The following NEGR1 variants were observed in gnomAD, a reference collection of about 807,000 sequenced individuals.
NEGR1 encodes IgLON family member 4.
In NEGR1, 10 loss-of-function variants were observed where a neutral mutation model predicts 40.9. That is an observed-to-expected ratio of 0.24 (90% CI 0.15 to 0.42). The LOEUF (loss-of-function observed/expected upper bound fraction) is 0.42, where lower values mean the gene tolerates loss of function less well. Among genes scored for constraint, NEGR1 ranks in the 10% least tolerant of loss-of-function variants. The pLI is 1.00. For missense variants in NEGR1, 352 were observed against 438.9 expected, an observed-to-expected ratio of 0.80 and a Z score of 1.77; for synonymous variants, 185 against 166.8, an observed-to-expected ratio of 1.11 and a Z score of -0.84.
rs575808466 is a variant in NEGR1, at chr1:71,760,784, T to G, written c.535+15388A>C. ...TTCATAAAGAATTACAGTGTTTGGG[T>G]GACAGGCTGTGTACATGTACACAGT... On this transcript the variant is annotated intron_variant, in intron 3 of 6. Transcript: ENST00000357731. Among the ~76,000 whole-genome samples the G allele has an allele frequency of 7.9e-5, 12 of 152,218 alleles. No homozygotes were observed. The East Asian group carries it at 2.3e-3, about 29-fold the overall frequency.
chr1:72,030,887 GA>G (rs199787393), intron 1 of NEGR1, among the ~76,000 whole-genome samples: 27 of 149,654 alleles, frequency 1.8e-4, no homozygotes, highest in African/African-American at 5.9e-4. Context: ...CTTACACATG[GA>G]AAAAAAAACA....
intron 3 of NEGR1, among the ~76,000 whole-genome samples, chr1:71,714,269 C>T (rs1001412553): frequency 2.0e-5 from 3 of 152,148 alleles, no homozygotes; most frequent in African/African-American, 7.2e-5. Flanking sequence ...ATTCAATTAC[C>T]TCCTCCTGGT....
At chr1:71,769,544 T>C (rs72946022) in intron 3 of NEGR1, among the ~76,000 whole-genome samples, 11,935 of 152,182 alleles carry the variant, frequency 0.078, 603 homozygotes, top group East Asian at 0.14. Flanking sequence ...GTGCTCATGA[T>C]AGTGAGTGAG....
chr1:71,678,829 C>A (rs1334346921), intron 4 of NEGR1, among the ~76,000 whole-genome samples: 2 of 151,968 alleles, frequency 1.3e-5, no homozygotes, highest in East Asian at 3.9e-4. Flanking sequence ...CTGAAAGTAC[C>A]TTTGTGAGGA....
intron 1 of NEGR1, among the ~76,000 whole-genome samples, chr1:72,143,914 A>ATATATATT (rs1491498187): frequency 0.23 from 30,256 of 130,522 alleles, 3,897 homozygotes; most frequent in South Asian, 0.3. Flanking sequence ...TGATATATAT[A>ATATATATT]ATATATATAT....
intron 6 of NEGR1, among the ~76,000 whole-genome samples, chr1:71,530,641 T>C (rs1328155539): frequency 6.6e-6 from 1 of 151,402 alleles, no homozygotes; most frequent in Non-Finnish European, 1.5e-5. Context: ...GTTTATATTA[T>C]CTTTTTTTAA....
At chr1:71,974,412 A>G (rs143116872) in intron 1 of NEGR1, among the ~76,000 whole-genome samples, 7 of 152,312 alleles carry the variant, frequency 4.6e-5, no homozygotes, top group African/African-American at 1.7e-4. Context: ...TTTCTAAATC[A>G]CATTATTAAA....
intron 6 of NEGR1, among the ~76,000 whole-genome samples, chr1:71,564,859 A>G (rs905819719): frequency 2.2e-4 from 33 of 152,148 alleles, no homozygotes; most frequent in African/African-American, 8.0e-4. Context: ...GCCCTATGAC[A>G]TTAGGTTACT....
chr1:71,741,229 C>T (rs1248696903), intron 3 of NEGR1, among the ~76,000 whole-genome samples: 1 of 152,144 alleles, frequency 6.6e-6, no homozygotes, highest in Non-Finnish European at 1.5e-5. Flanking sequence ...AGCTGCAGAA[C>T]ATGGTACAAA....
intron 1 of NEGR1, among the ~76,000 whole-genome samples, chr1:71,937,452 C>A (rs1331164851): frequency 6.6e-6 from 1 of 152,210 alleles, no homozygotes; most frequent in African/African-American, 2.4e-5. Context: ...TCTGTGTGAC[C>A]ACTGCATCTA....
chr1:71,870,084 T>C (rs1240392121), intron 2 of NEGR1, among the ~76,000 whole-genome samples: 1 of 152,012 alleles, frequency 6.6e-6, no homozygotes, highest in African/African-American at 2.4e-5. Flanking sequence ...TTCGCCGTGT[T>C]GGCCAGGCTG....
At chr1:71,418,860 G>A (rs1352028440) in intron 6 of NEGR1, among the ~76,000 whole-genome samples, 1 of 152,046 alleles carries the variant, frequency 6.6e-6, no homozygotes, top group African/African-American at 2.4e-5. Flanking sequence ...GTCTAACACA[G>A]TGACTACATA....
intron 1 of NEGR1, among the ~76,000 whole-genome samples, chr1:72,176,420 A>C (rs577187725): frequency 2.0e-5 from 3 of 152,252 alleles, no homozygotes; most frequent in Non-Finnish European, 2.9e-5. Flanking sequence ...TTCAAACTCT[A>C]ATGGAGAAGA....
chr1:71,966,283 T>C (rs543121422), intron 1 of NEGR1, among the ~76,000 whole-genome samples: 5 of 152,324 alleles, frequency 3.3e-5, no homozygotes, highest in African/African-American at 9.6e-5. Flanking sequence ...GACAAACTTA[T>C]TCAAGTTACA....
At chr1:71,534,906 T>TA (rs1647466530) in intron 6 of NEGR1, among the ~76,000 whole-genome samples, 1 of 151,564 alleles carries the variant, frequency 6.6e-6, no homozygotes, top group African/African-American at 2.4e-5. Flanking sequence ...AAATTTTAAA[T>TA]AAAAAATTAT....
At chr1:72,180,061 C>A (rs1652308790) in intron 1 of NEGR1, among the ~76,000 whole-genome samples, 1 of 151,874 alleles carries the variant, frequency 6.6e-6, no homozygotes, top group Non-Finnish European at 1.5e-5. Context: ...GTAAAAGACT[C>A]CAAGTAGCCA....
chr1:72,052,017 A>G (rs1403810915), intron 1 of NEGR1, among the ~76,000 whole-genome samples: 4 of 151,502 alleles, frequency 2.6e-5, no homozygotes, highest in African/African-American at 9.7e-5. Context: ...AAACAAGCTG[A>G]CAGAGTTTCC....
rs1447212540 is a variant in NEGR1, at chr1:71,604,420, A to G, written c.788+6606T>C. Among the ~76,000 whole-genome samples, 7 of 152,300 alleles carry G rather than the reference A, an allele frequency of 4.6e-5. No individual in the cohort carries two copies. In the East Asian group the frequency reaches 1.4e-3, roughly 29 times the overall value. ...TCATTTTGCTGGTTTCCTCAAAAATATAAGAAGGGGAGAAGACCCACCCTC... is the reference window on the plus strand; with the variant it reads ...TCATTTTGCTGGTTTCCTCAAAAATGTAAGAAGGGGAGAAGACCCACCCTC... On this transcript the variant is annotated intron_variant, in intron 5 of 6. Coordinates refer to ENST00000357731, the MANE Select transcript of NEGR1 (RefSeq NM_173808.3).
intron 4 of NEGR1, among the ~76,000 whole-genome samples, chr1:71,684,195 G>C (rs990007134): frequency 1.3e-5 from 2 of 152,048 alleles, no homozygotes; most frequent in African/African-American, 4.8e-5. Context: ...ACGTGAACCC[G>C]GGAGGGCGGA....
Sources: gnomAD v4.1 joint callset for allele counts (sites outside exome capture counted in the v4.1 genomes callset) on GRCh38, gnomAD v4.1.1 for gene constraint, MANE v1.5 for transcripts, NCBI Gene and HGNC (gene_info 2026-07-23, HGNC 2026-07-21) for gene names.